ERG: variants seen among roughly 807,000 people sequenced by gnomAD.
ERG encodes ETS transcription factor ERG, also known as transcriptional regulator ERG.
ERG carries 9 observed loss-of-function variants against 55.3 expected under a neutral mutation model. The observed-to-expected ratio is 0.16, with a 90% CI of 0.10 to 0.28. The LOEUF is 0.28. Among genes scored for constraint, ERG ranks in the 10% least tolerant of loss-of-function variants. The pLI, the probability that ERG is intolerant of heterozygous loss-of-function variation, is 1.00. For synonymous variants in ERG, 223 were observed against 237.3 expected, an observed-to-expected ratio of 0.94 and a Z score of 0.55; for missense variants, 434 against 631.6, an observed-to-expected ratio of 0.69 and a Z score of 3.35.
intron 3 of ERG, among the ~76,000 whole-genome samples, chr21:38,404,913 T>G (rs1271716172): frequency 6.6e-6 from 1 of 152,162 alleles, no homozygotes. Context: ...CATTTTTAGG[T>G]TTGCAGAGGT....
chr21:38,516,745 A>G (rs2059554907), intron 2 of ERG, among the ~76,000 whole-genome samples: 1 of 152,150 alleles, frequency 6.6e-6, no homozygotes, highest in Non-Finnish European at 1.5e-5. Flanking sequence ...CCAAAAGAGC[A>G]TGATACTAGT....
chr21:38,629,661 T>C (rs912276834), intron 1 of ERG, among the ~76,000 whole-genome samples: 4 of 152,162 alleles, frequency 2.6e-5, no homozygotes, highest in African/African-American at 9.7e-5. Context: ...GGTGGGAGCA[T>C]GAAATAGTAC....
chr21:38,505,295 T>C (rs2059451988), intron 2 of ERG, among the ~76,000 whole-genome samples: 1 of 152,318 alleles, frequency 6.6e-6, no homozygotes, highest in South Asian at 2.1e-4. Flanking sequence ...AACTGCTACA[T>C]GGTACGCTCC....
At chr21:38,445,095 C>T (rs1310581011) in intron 2 of ERG, among the ~76,000 whole-genome samples, 1 of 152,002 alleles carries the variant, frequency 6.6e-6, no homozygotes, top group East Asian at 1.9e-4. Flanking sequence ...CCAGCGCTGT[C>T]CAACGTCACC....
intron 2 of ERG, among the ~76,000 whole-genome samples, chr21:38,433,198 G>A (rs1236824657): frequency 6.6e-6 from 1 of 152,172 alleles, no homozygotes; most frequent in Non-Finnish European, 1.5e-5. Flanking sequence ...CAGATGATGG[G>A]CAAACATTCT....
At chr21:38,404,261 C>T (rs1277746222) in intron 3 of ERG, among the ~76,000 whole-genome samples, 18 of 152,222 alleles carry the variant, frequency 1.2e-4, no homozygotes, top group Admixed American at 1.2e-3. Context: ...TCTAGCCCCT[C>T]CTATGAGCCA....
chr21:38,567,585 G>C (rs1038505764), intron 2 of ERG, among the ~76,000 whole-genome samples: 2 of 152,134 alleles, frequency 1.3e-5, no homozygotes, highest in East Asian at 1.9e-4. Flanking sequence ...CTTTGGGGGC[G>C]GGGGAACTCT....
At position 38,380,587 on chromosome 21, in the gene ERG, A is replaced by G. The variant is rs769042164; in HGVS notation, c.*2816T>C. ...CAAACAGAGAGAAAAGGTTCATGCA[A>G]TTATGAATATGACCTGGAGGGGGCT... On this transcript the variant is annotated 3_prime_UTR_variant, in exon 10 of 10. Transcript: ENST00000288319. 2.8e-6 allele frequency: 3 copies of G among 1,065,702 alleles called. No homozygotes were observed. The highest frequency in any genetic ancestry group is 3.4e-6 in the Non-Finnish European group (3 of 879,498). 66.0% of individuals were successfully genotyped at this position (1,065,702 alleles called of 1,614,324 possible).
At chr21:38,523,612 AC>A (rs1289387613) in intron 2 of ERG, among the ~76,000 whole-genome samples, 2 of 152,012 alleles carry the variant, frequency 1.3e-5, no homozygotes, top group Non-Finnish European at 2.9e-5. Context: ...TCTGAGTTTC[AC>A]CCCACTCATT....
intron 1 of ERG, among the ~76,000 whole-genome samples, chr21:38,456,977 C>T (rs766045430): frequency 3.2e-4 from 49 of 152,198 alleles, no homozygotes; most frequent in South Asian, 1.2e-3. Context: ...AGTTGGTTGC[C>T]AGTGAGACTT....
chr21:38,644,514 G>A (rs574397842), intron 1 of ERG, among the ~76,000 whole-genome samples: 1 of 152,300 alleles, frequency 6.6e-6, no homozygotes, highest in East Asian at 1.9e-4. Flanking sequence ...CTTATAAGGA[G>A]ATCAACGTAT....
At chr21:38,405,765 C>A (rs1018641315) in intron 3 of ERG, among the ~76,000 whole-genome samples, 1 of 152,098 alleles carries the variant, frequency 6.6e-6, no homozygotes, top group Non-Finnish European at 1.5e-5. Flanking sequence ...TACCTAGATA[C>A]GGGATTTCTG....
At chr21:38,599,401 C>T (rs537325797) in intron 1 of ERG, among the ~76,000 whole-genome samples, 2 of 152,348 alleles carry the variant, frequency 1.3e-5, no homozygotes, top group African/African-American at 4.8e-5. Flanking sequence ...AGCCCTTCCG[C>T]ACCCTCCCAT....
intron 5 of ERG, 106 bp downstream of exon 5, chr21:38,402,451 G>T: frequency 1.3e-6 from 1 of 764,682 alleles, no homozygotes; most frequent in Non-Finnish European, 2.2e-6. Context: ...TCATCTACCT[G>T]CGTTCTGTCT....
At chr21:38,575,774 T>C (rs1019828318) in intron 1 of ERG, 41 of 1,535,888 alleles carry the variant, frequency 2.7e-5, no homozygotes, top group Non-Finnish European at 3.3e-5. Flanking sequence ...ACAACATACA[T>C]AATAATAAAC....
chr21:38,455,095 TTTC>T (rs1178523863), intron 1 of ERG, among the ~76,000 whole-genome samples: 1 of 117,870 alleles, frequency 8.5e-6, no homozygotes, highest in African/African-American at 3.6e-5. Flanking sequence ...TAATGTTCTT[TTTC>T]TTTCTTTCTT....
chr21:38,515,113 T>C (rs995550481), intron 2 of ERG, among the ~76,000 whole-genome samples: 3 of 151,952 alleles, frequency 2.0e-5, no homozygotes, highest in African/African-American at 4.8e-5. Context: ...TATTCATGGA[T>C]TGAAAAACTT....
At chr21:38,418,154 T>C (rs895518228) in intron 3 of ERG, among the ~76,000 whole-genome samples, 4 of 152,238 alleles carry the variant, frequency 2.6e-5, no homozygotes, top group African/African-American at 9.6e-5. Flanking sequence ...GTAAAATTTA[T>C]ATCTTCTATC....
chr21:38,577,813 TG>T (rs1780803809), intron 1 of ERG, among the ~76,000 whole-genome samples: 1 of 152,196 alleles, frequency 6.6e-6, no homozygotes, highest in African/African-American at 2.4e-5. Flanking sequence ...ACATTCTCTC[TG>T]GACTAGTTCA....
Sources: gnomAD v4.1 joint callset for allele counts (sites outside exome capture counted in the v4.1 genomes callset) on GRCh38, gnomAD v4.1.1 for gene constraint, MANE v1.5 for transcripts, NCBI Gene and HGNC (gene_info 2026-07-23, HGNC 2026-07-21) for gene names.